The following KYNU variants were observed in gnomAD, a reference collection of about 807,000 sequenced individuals.
KYNU encodes kynureninase.
Under a neutral mutation model 59.2 loss-of-function variants are expected in KYNU, and 54 were observed. The ratio of observed to expected loss-of-function variants is 0.91; its 90% CI spans 0.73 to 1.14. The LOEUF (loss-of-function observed/expected upper bound fraction) is 1.14. KYNU is among the 50% of genes most tolerant of loss of function. KYNU has a pLI of 0.00. For missense variants in KYNU, 567 were observed against 554.4 expected, an observed-to-expected ratio of 1.02 and a Z score of -0.23; for synonymous variants, 177 against 192.0, an observed-to-expected ratio of 0.92 and a Z score of 0.65.
At chr2:142,988,706 T>C (rs1573875394) in intron 10 of KYNU, 1 of 730,204 alleles carries the variant, frequency 1.4e-6, no homozygotes, top group Non-Finnish European at 2.5e-6. Flanking sequence ...AAACCTTGGT[T>C]GTTTTTCTGT....
rs576042010 is a variant in KYNU at position 142,959,180 on chromosome 2, C to T, written c.583-1444C>T. On this transcript the variant is annotated intron_variant, in intron 7 of 13. Coordinates refer to ENST00000264170, the MANE Select transcript of KYNU (RefSeq NM_003937.3). The stretch of plus-strand genomic sequence containing the variant: ...CATGGAGCAGAGTAATTGGCAAATA[C>T]CAAGATAATTAAAAATTAAAAGTAA... Among the ~76,000 whole-genome samples, 158 of 152,080 alleles carry T rather than the reference C, an allele frequency of 1.0e-3. No individual in the cohort carries two copies. The Middle Eastern group carries it at 0.014, about 13-fold the overall frequency.
intron 4 of KYNU, among the ~76,000 whole-genome samples, chr2:142,932,107 A>G (rs34840080): frequency 0.02 from 3,084 of 152,272 alleles, 53 homozygotes; most frequent in African/African-American, 0.051. Flanking sequence ...CCTTGGGGTG[A>G]CACTGAGTGG....
At chr2:142,976,196 G>A (rs1418343565) in intron 8 of KYNU, among the ~76,000 whole-genome samples, 4 of 152,192 alleles carry the variant, frequency 2.6e-5, no homozygotes, top group South Asian at 4.1e-4. Flanking sequence ...CATGCTGACC[G>A]AAGCCATGCT....
At chr2:143,029,584 C>CAA in intron 10 of KYNU, 43 bp from the exon 11 acceptor site, 1 of 1,377,228 alleles carries the variant, frequency 7.3e-7, no homozygotes, top group Non-Finnish European at 1.0e-6. Flanking sequence ...AGACTCCATC[C>CAA]AAAAAAACCC....
At chr2:142,975,434 C>A (rs1462454552) in intron 8 of KYNU, among the ~76,000 whole-genome samples, 1 of 152,176 alleles carries the variant, frequency 6.6e-6, no homozygotes, top group East Asian at 1.9e-4. Context: ...GTATGCCAGA[C>A]AAGGACCTCC....
At chr2:142,987,455 G>A (rs1558961126) in intron 10 of KYNU, among the ~76,000 whole-genome samples, 1 of 151,944 alleles carries the variant, frequency 6.6e-6, no homozygotes, top group Non-Finnish European at 1.5e-5. Context: ...CAAAGGGATT[G>A]TATTGTGCTC....
At chr2:142,949,673 CT>C (rs1683921080) in intron 4 of KYNU, among the ~76,000 whole-genome samples, 1 of 152,222 alleles carries the variant, frequency 6.6e-6, no homozygotes, top group Non-Finnish European at 1.5e-5. Flanking sequence ...CATGAAACCA[CT>C]TTTTCCTCCT....
At chr2:142,895,137 A>C (rs749747140) in intron 2 of KYNU, among the ~76,000 whole-genome samples, 2 of 152,204 alleles carry the variant, frequency 1.3e-5, no homozygotes, top group Non-Finnish European at 2.9e-5. Context: ...GATATTGTTA[A>C]TATTTAAATA....
intron 3 of KYNU, among the ~76,000 whole-genome samples, chr2:142,919,095 C>A (rs1558921254): frequency 6.6e-6 from 1 of 152,172 alleles, no homozygotes. Flanking sequence ...ATGCAGCCAT[C>A]CATTTTTTTC....
rs868833150 is a variant in KYNU at position 143,046,824 on chromosome 2, A to G, written c.*4652A>G. 1 of 152,066 alleles carries G rather than the reference A, an allele frequency of 6.6e-6. No individual in the cohort carries two copies. The highest frequency in any genetic ancestry group is 1.5e-5 in the Non-Finnish European group (1 of 68,002). The allele number at this position is 152,066 out of a possible 1,614,324, so 9.4% of individuals were successfully genotyped here. On this transcript the variant is annotated 3_prime_UTR_variant, in exon 14 of 14. Coordinates refer to ENST00000264170, the MANE Select transcript of KYNU (RefSeq NM_003937.3). The stretch of plus-strand genomic sequence containing the variant: ...ATCTAAATAAATTTAGAATAAATCT[A>G]TTGTGTTCCATAAAACCCCTGTTGG...
chr2:142,956,118 G>A, intron 5 of KYNU, 85 bp from the exon 6 acceptor site: 1 of 765,480 alleles, frequency 1.3e-6, no homozygotes, highest in Non-Finnish European at 2.3e-6. Context: ...AAATACTGGA[G>A]ATTATAAAAT....
intron 10 of KYNU, among the ~76,000 whole-genome samples, chr2:143,012,741 T>C (rs73964624): frequency 1.0e-3 from 153 of 152,200 alleles, no homozygotes; most frequent in African/African-American, 3.6e-3. Context: ...TTAGCTTGAA[T>C]CCCAAATATA....
chr2:142,923,232 G>A (rs1280907453), intron 3 of KYNU, among the ~76,000 whole-genome samples: 1 of 152,070 alleles, frequency 6.6e-6, no homozygotes, highest in Non-Finnish European at 1.5e-5. Context: ...TGTGAAAATA[G>A]TTTTCTTAGA....
intron 11 of KYNU, among the ~76,000 whole-genome samples, chr2:143,032,300 A>C (rs11900423): frequency 9.6e-5 from 8 of 83,680 alleles, no homozygotes; most frequent in Non-Finnish European, 2.2e-4. Context: ...AAAAAAAAAA[A>C]ACAAAACAAA....
intron 2 of KYNU, among the ~76,000 whole-genome samples, chr2:142,895,726 C>G (rs189060177): frequency 2.5e-3 from 377 of 151,940 alleles, no homozygotes; most frequent in Non-Finnish European, 4.5e-3. Flanking sequence ...GCCCTGTCAC[C>G]CAGGCTGGAG....
intron 10 of KYNU, among the ~76,000 whole-genome samples, chr2:143,026,732 C>T (rs1478980529): frequency 7.3e-6 from 1 of 137,330 alleles, no homozygotes. Flanking sequence ...GCTCTTTTAG[C>T]TCTGCTGTCC....
rs183967376 is a variant in KYNU, at chr2:143,023,262, A to G, written c.903-6365A>G. Among the ~76,000 whole-genome samples the G allele has an allele frequency of 8.6e-5, 13 of 152,032 alleles. No individual in the cohort carries two copies. The East Asian group carries it at 2.5e-3, about 29-fold the overall frequency. On this transcript the variant is annotated intron_variant, in intron 10 of 13. Coordinates refer to ENST00000264170, the MANE Select transcript of KYNU (RefSeq NM_003937.3). ...CAGATCAATTTACTTTAAACTTGCC[A>G]GGTAATTGAGTCTTTTCATTTTCTG...
At chr2:142,966,950 T>C (rs915189681) in intron 8 of KYNU, among the ~76,000 whole-genome samples, 1 of 151,306 alleles carries the variant, frequency 6.6e-6, no homozygotes. Flanking sequence ...TATTAAAGAC[T>C]GTCACTGAAT....
chr2:142,975,182 C>T (rs2105134620), intron 8 of KYNU, among the ~76,000 whole-genome samples: 1 of 152,168 alleles, frequency 6.6e-6, no homozygotes, highest in Middle Eastern at 3.4e-3. Flanking sequence ...AAATCCTGTA[C>T]CCATAAAAAC....
Sources: allele counts gnomAD v4.1 joint callset (sites outside exome capture counted in the v4.1 genomes callset), GRCh38; gene constraint gnomAD v4.1.1; transcripts MANE v1.5; gene names NCBI Gene and HGNC (gene_info 2026-07-23, HGNC 2026-07-21).